Variants in MYH10 observed in about 807,000 individuals in gnomAD.
MYH10 encodes myosin heavy chain 10, also known as myosin-10.
In MYH10, 55 loss-of-function variants were observed where a neutral mutation model predicts 257.8. The ratio of observed to expected loss-of-function variants is 0.21; its 90% CI spans 0.17 to 0.27. The LOEUF (loss-of-function observed/expected upper bound fraction) is 0.27. Among genes scored for constraint, MYH10 ranks in the 10% least tolerant of loss-of-function variants. The probability of loss-of-function intolerance (pLI) is 1.00; values close to 1 mark genes in which losing one functional copy is unlikely to be tolerated. For missense variants in MYH10, 1,631 were observed against 2,500.6 expected (o/e 0.65, Z 7.42); for synonymous variants, 854 against 921.7 (o/e 0.93, Z 1.33).
chr17:8,614,307 CTTTTTTTT>C (rs35801623), intron 2 of MYH10, among the ~76,000 whole-genome samples: 295 of 77,120 alleles, frequency 3.8e-3, no homozygotes, highest in African/African-American at 0.015. Flanking sequence ...CAATTCACTT[CTTTTTTTT>C]TTTTTTTTTT....
intron 23 of MYH10, among the ~76,000 whole-genome samples, chr17:8,512,907 G>A (rs1408311164): frequency 6.6e-6 from 1 of 152,084 alleles, no homozygotes; most frequent in Non-Finnish European, 1.5e-5. Flanking sequence ...CATCTATGAA[G>A]GTAATTTACA....
At chr17:8,577,102 A>G (rs2083527170) in intron 5 of MYH10, 134 bp downstream of exon 5, 2 of 599,930 alleles carry the variant, frequency 3.3e-6, no homozygotes, top group Admixed American at 2.9e-5. Context: ...ATTGCTGGGT[A>G]GGTGGCGGGG....
chr17:8,593,786 A>G (rs890247099), intron 3 of MYH10, among the ~76,000 whole-genome samples: 24 of 152,274 alleles, frequency 1.6e-4, no homozygotes, highest in African/African-American at 5.8e-4. Flanking sequence ...GTGCAATCCA[A>G]TCAAAATGTT....
chr17:8,602,024 G>A (rs973836174), intron 3 of MYH10, among the ~76,000 whole-genome samples: 9 of 143,254 alleles, frequency 6.3e-5, no homozygotes, highest in Admixed American at 5.1e-4. Context: ...CGCCCAGGCC[G>A]GACCACAGTG....
chr17:8,511,719 C>T (rs2081303413), intron 24 of MYH10, among the ~76,000 whole-genome samples: 2 of 152,142 alleles, frequency 1.3e-5, no homozygotes, highest in South Asian at 4.1e-4. Flanking sequence ...CATACAAGCA[C>T]ACAGACCAGC....
rs901704533 is a variant in MYH10, at chr17:8,548,798, A to G, written c.920-11T>C. On this transcript the variant is annotated splice_polypyrimidine_tract_variant and intron_variant, in intron 9 of 42. Transcript: ENST00000360416. ...CAAGAAGCAAATCAGCTAAAAGGAA[A>G]TATAATGGAAGAAAATTTGATAAAT... 10 of 1,602,188 alleles carry G rather than the reference A, an allele frequency of 6.2e-6. 1 individual carries two copies. The Admixed American group carries it at 1.7e-4, about 27-fold the overall frequency.
chr17:8,629,911 C>A (rs1463244385), intron 1 of MYH10, among the ~76,000 whole-genome samples: 2 of 151,914 alleles, frequency 1.3e-5, no homozygotes, highest in Non-Finnish European at 2.9e-5. Flanking sequence ...GGAGTCCGAC[C>A]CTCCCCACGC....
chr17:8,625,144 A>ATTG (rs2085624524), intron 1 of MYH10, among the ~76,000 whole-genome samples: 2 of 152,136 alleles, frequency 1.3e-5, no homozygotes, highest in Admixed American at 1.3e-4. Context: ...CCAGCCACTC[A>ATTG]GGAGGCTGAG....
chr17:8,568,348 C>T (rs1444678109), intron 7 of MYH10, among the ~76,000 whole-genome samples: 1 of 152,150 alleles, frequency 6.6e-6, no homozygotes, highest in East Asian at 1.9e-4. Flanking sequence ...GTGAACTAAT[C>T]CAGAGGGCTT....
chr17:8,623,236 C>A lies in MYH10; in HGVS notation c.11G>T (p.Arg4Ile). 6.3e-7 allele frequency: 1 copy of A among 1,579,532 alleles called. No individual in the cohort carries two copies. Among genetic ancestry groups the A allele is most frequent in the Non-Finnish European group, 8.6e-7 (1 of 1,166,150 alleles). The stretch of plus-strand genomic sequence containing the variant: ...CCTCTCTGGATCCTCGAGTCCAGTT[C>A]TCTGCGCCATTGTAAATGGAACGAT... MAQ[R>I]TGLEDPERYL... is the part of the protein sequence containing the mutation. The change falls in exon 2 of 43, where the codon AGA (arginine) becomes ATA (isoleucine). Residue 4 changes from arginine (R) to isoleucine (I), a missense_variant. Physicochemically the swap from Arg to Ile is moderately conservative, Grantham distance 97. Transcript: ENST00000360416.
At position 8,506,619 on chromosome 17, in the gene MYH10, T is replaced by C. The variant is rs1350410896; in HGVS notation, c.3215-130A>G. On this transcript the variant is annotated intron_variant, in intron 26 of 42. Transcript: ENST00000360416. This position sits in a 1 kb window ranked among gnomAD's most constrained non-coding sequence, Gnocchi z 5.0. ...AAAGCATGTCACTGCCCTGATGACA[T>C]GGTCATGCGCTGATGTCAACTGCTC... 10 of 945,524 alleles carry C rather than the reference T, an allele frequency of 1.1e-5. No homozygotes were observed. The highest frequency in any genetic ancestry group is 1.7e-5 in the African/African-American group (1 of 59,350). The allele number at this position is 945,524 out of a possible 1,614,324, so 58.6% of individuals were successfully genotyped here.
Position 8,623,292 on chromosome 17 carries a change from G to A in MYH10, c.-31-15C>T, listed in dbSNP as rs2085537910. 6.5e-7 allele frequency: 1 copy of A among 1,537,020 alleles called. No homozygotes were observed. Among genetic ancestry groups the A allele is most frequent in the African/African-American group, 1.4e-5 (1 of 71,700 alleles). On this transcript the variant is annotated splice_polypyrimidine_tract_variant and intron_variant, in intron 1 of 42. Transcript: ENST00000360416. The stretch of plus-strand genomic sequence containing the variant: ...AGCAATTGCCTCTAAGAGAAGAGGA[G>A]GAGGGCAAAATTAGATGTTTAAGAA...
rs1460623176 is a variant in MYH10 at position 8,506,707 on chromosome 17, GGAA to G, written c.3215-221_3215-219del. On this transcript the variant is annotated intron_variant, in intron 26 of 42. Coordinates refer to ENST00000360416, the MANE Select transcript of MYH10 (RefSeq NM_001256012.3). This position sits in a 1 kb window ranked among gnomAD's most constrained non-coding sequence, Gnocchi z 5.0. ...AATTAGTGTGGGGAGGGAATTTTAA[GGAA>G]GAAGTTGAGTGTCCTAAGAATGTCC... Among the ~76,000 whole-genome samples, 3 of 151,964 alleles carry G rather than the reference GGAA, an allele frequency of 2.0e-5. No homozygotes were observed. Among genetic ancestry groups the G allele is most frequent in the African/African-American group, 7.3e-5 (3 of 41,362 alleles).
At chr17:8,547,834 A>C (rs1020678512) in intron 11 of MYH10, among the ~76,000 whole-genome samples, 3 of 147,874 alleles carry the variant, frequency 2.0e-5, no homozygotes, top group African/African-American at 7.4e-5. Context: ...TATTATATAT[A>C]TATATTTGGG....
At position 8,492,432 on chromosome 17, in the gene MYH10, T is replaced by C; in HGVS notation, c.4536A>G (p.Lys1512=). 3 of 1,613,192 alleles carry C rather than the reference T, an allele frequency of 1.9e-6. No homozygotes were observed. Among genetic ancestry groups the C allele is most frequent in the Non-Finnish European group, 2.5e-6 (3 of 1,180,022 alleles). Residue 1512 remains lysine (K), a synonymous_variant, in exon 34 of 43, where the codon AAA becomes AAG. Transcript: ENST00000360416. ...GGGCCAGTGACAGGGCTTTGGTTTC[T>C]TTCTCTCTGGCCTCGGCTTCGGCCC... ...RDRAEAEARE[K]ETKALSLARA...
Position 8,569,247 on chromosome 17 carries a change from G to A in MYH10, c.756+473C>T. ...AAAAAAAAAAAAAAATTAAAGAGAA[G>A]TCATAGTAGTGACAAATTATTCCAA... On this transcript the variant is annotated intron_variant, in intron 7 of 42. Coordinates refer to ENST00000360416, the MANE Select transcript of MYH10 (RefSeq NM_001256012.3). The surrounding 1 kb of genome is among the most constrained non-coding windows in gnomAD (Gnocchi z 4.1). Among the ~76,000 whole-genome samples, 1 of 151,316 alleles carries A rather than the reference G, an allele frequency of 6.6e-6. No individual in the cohort carries two copies. Among genetic ancestry groups the A allele is most frequent in the East Asian group, 2.0e-4 (1 of 5,126 alleles).
Position 8,552,804 on chromosome 17 carries a change from C to T in MYH10, c.821-660G>A, listed in dbSNP as rs1289028584. Among the ~76,000 whole-genome samples the T allele has an allele frequency of 3.9e-5, 6 of 152,276 alleles. No individual in the cohort carries two copies. Among genetic ancestry groups the T allele is most frequent in the Admixed American group, 2.0e-4 (3 of 15,302 alleles). On this transcript the variant is annotated intron_variant, in intron 8 of 42. Coordinates refer to ENST00000360416, the MANE Select transcript of MYH10 (RefSeq NM_001256012.3). This position sits in a 1 kb window ranked among gnomAD's most constrained non-coding sequence, Gnocchi z 4.8. ...CCTCTGCTGCTCTGAAGAACCGGTG[C>T]GGCCAGTACCTACGCCTGCTGCTAC... is the stretch of plus-strand genomic sequence containing the variant.
chr17:8,608,840 C>G (rs1470900223), intron 2 of MYH10, among the ~76,000 whole-genome samples: 6 of 145,062 alleles, frequency 4.1e-5, no homozygotes, highest in African/African-American at 7.8e-5. Context: ...GAGACGGAGT[C>G]TCGCTCTGTC....
intron 7 of MYH10, among the ~76,000 whole-genome samples, chr17:8,563,650 G>A (rs190895809): frequency 2.0e-5 from 3 of 152,274 alleles, no homozygotes; most frequent in East Asian, 1.9e-4. Context: ...TCAGGTAAAC[G>A]TTTGGTTAGA....
Sources: gnomAD v4.1 joint callset for allele counts (sites outside exome capture counted in the v4.1 genomes callset) on GRCh38, gnomAD v4.1.1 for gene constraint, Gnocchi (gnomAD v3.1) non-coding constraint, MANE v1.5 for transcripts, NCBI Gene and HGNC (gene_info 2026-07-23, HGNC 2026-07-21) for gene names.